PDE1C: variants seen among roughly 807,000 people sequenced by gnomAD.
The protein encoded by PDE1C is dual specificity calcium/calmodulin-dependent 3',5'-cyclic nucleotide phosphodiesterase 1C.
A neutral mutation model predicts 93.1 loss-of-function variants in PDE1C; 62 were observed. That is an observed-to-expected ratio of 0.67 (90% CI 0.54 to 0.82). The LOEUF (loss-of-function observed/expected upper bound fraction) is 0.82, where lower values mean the gene tolerates loss of function less well. Among genes scored for constraint, PDE1C ranks in the 40% least tolerant of loss-of-function variants. The probability of loss-of-function intolerance (pLI) is 0.00; values close to 1 mark genes in which losing one functional copy is unlikely to be tolerated. For missense variants in PDE1C, 742 were observed against 884.6 expected (o/e 0.84, Z 2.04); for synonymous variants, 325 against 310.1 (o/e 1.05, Z -0.50).
chr7:32,137,749 T>C (rs1036561151), intron 3 of PDE1C, among the ~76,000 whole-genome samples: 3 of 152,172 alleles, frequency 2.0e-5, no homozygotes, highest in Non-Finnish European at 2.9e-5. Context: ...ACATTAATAG[T>C]GAATAGGTAA....
At chr7:32,416,863 A>T (rs945044258) in intron 1 of PDE1C, among the ~76,000 whole-genome samples, 3 of 152,176 alleles carry the variant, frequency 2.0e-5, no homozygotes, top group South Asian at 2.1e-4. Context: ...AACGGGTATC[A>T]TCTCAGTATG....
At chr7:32,320,366 T>C (rs1247639960) in intron 1 of PDE1C, among the ~76,000 whole-genome samples, 2 of 148,602 alleles carry the variant, frequency 1.3e-5, no homozygotes, top group African/African-American at 5.0e-5. Flanking sequence ...GTGGGAGGAG[T>C]GGGAGGAGGG....
At chr7:32,361,248 A>C (rs956584942) in intron 1 of PDE1C, among the ~76,000 whole-genome samples, 1 of 152,198 alleles carries the variant, frequency 6.6e-6, no homozygotes, top group Non-Finnish European at 1.5e-5. Context: ...TCCTATCTGC[A>C]GTCTTTCACG....
intron 3 of PDE1C, among the ~76,000 whole-genome samples, chr7:32,100,108 T>C (rs2040936): frequency 0.67 from 102,595 of 152,060 alleles, 35,366 homozygotes; most frequent in Middle Eastern, 0.8. Context: ...CTCCATCCCA[T>C]GCCCAGTGTC....
chr7:32,308,677 C>A (rs1050558193), intron 1 of PDE1C, among the ~76,000 whole-genome samples: 3 of 152,266 alleles, frequency 2.0e-5, no homozygotes, highest in African/African-American at 7.2e-5. Context: ...AACAGACCTG[C>A]AGCTGAGGGT....
At chr7:32,376,072 G>GC (rs1562696933) in intron 1 of PDE1C, among the ~76,000 whole-genome samples, 1 of 152,062 alleles carries the variant, frequency 6.6e-6, no homozygotes, top group African/African-American at 2.4e-5. Flanking sequence ...GAGGAGAATT[G>GC]TTTGAACCCA....
chr7:32,115,165 G>A (rs377527824), intron 3 of PDE1C, among the ~76,000 whole-genome samples: 12 of 152,130 alleles, frequency 7.9e-5, no homozygotes, highest in South Asian at 2.1e-4. Context: ...ACACGCCCAC[G>A]TATGTTTATT....
intron 2 of PDE1C, among the ~76,000 whole-genome samples, chr7:31,896,920 A>G (rs1397445274): frequency 1.3e-5 from 2 of 152,236 alleles, no homozygotes. Context: ...ACCACAGGAC[A>G]TCTAGCCCAC....
At chr7:32,331,724 C>A (rs1157257207) in intron 1 of PDE1C, among the ~76,000 whole-genome samples, 2 of 152,134 alleles carry the variant, frequency 1.3e-5, no homozygotes, top group African/African-American at 4.8e-5. Context: ...CTTAGTCGTA[C>A]TTGAGAAGTG....
intron 3 of PDE1C, among the ~76,000 whole-genome samples, chr7:32,093,994 A>G (rs1245072916): frequency 2.0e-5 from 3 of 152,222 alleles, no homozygotes; most frequent in African/African-American, 7.2e-5. Flanking sequence ...TGACCCAGGA[A>G]TAGATGGTAA....
chr7:32,052,028 T>G (rs761043826), intron 1 of PDE1C, among the ~76,000 whole-genome samples: 1 of 152,210 alleles, frequency 6.6e-6, no homozygotes, highest in Non-Finnish European at 1.5e-5. Context: ...GATCAGTTAT[T>G]TATGTTGTCA....
At chr7:31,768,235 G>A (rs1360639967) in intron 17 of PDE1C, among the ~76,000 whole-genome samples, 1 of 152,152 alleles carries the variant, frequency 6.6e-6, no homozygotes, top group Non-Finnish European at 1.5e-5. Flanking sequence ...GTTTACTTGA[G>A]ACTTTTGTCA....
chr7:31,839,867 T>C lies in PDE1C; in HGVS notation c.981-1896A>G, dbSNP rs146334188. ...GCCTGACCAATATGGTGAAACCCCGTCTCTACTAAAAATACAAAAATTAGC... is the reference window on the plus strand; with the variant it reads ...GCCTGACCAATATGGTGAAACCCCGCCTCTACTAAAAATACAAAAATTAGC... On this transcript the variant is annotated intron_variant, in intron 9 of 17. Coordinates refer to ENST00000396191, the MANE Select transcript of PDE1C (RefSeq NM_001191057.4). Among the ~76,000 whole-genome samples the C allele has an allele frequency of 7.1e-3, 1,082 of 152,246 alleles. 18 individuals carry two copies. The highest frequency in any genetic ancestry group is 0.024 in the African/African-American group (993 of 41,548).
intron 1 of PDE1C, among the ~76,000 whole-genome samples, chr7:32,317,525 G>C (rs1461043744): frequency 6.6e-6 from 1 of 152,028 alleles, no homozygotes; most frequent in South Asian, 2.1e-4. Flanking sequence ...TTTCCTGAAG[G>C]AGATAACATT....
rs76768804 is a variant in PDE1C, at chr7:31,801,041, A to G, written c.1891+7990T>C. Among the ~76,000 whole-genome samples, 570 of 150,938 alleles carry G rather than the reference A, an allele frequency of 3.8e-3. 4 individuals are homozygous for G. The highest frequency in any genetic ancestry group is 0.013 in the African/African-American group (546 of 41,336). On this transcript the variant is annotated intron_variant, in intron 16 of 17. Coordinates refer to ENST00000396191, the MANE Select transcript of PDE1C (RefSeq NM_001191057.4). ...TACACCACTAAATGCCTACATTAAA[A>G]AAGAAAAAAAAATCTCAAATCGGTA...
intron 3 of PDE1C, among the ~76,000 whole-genome samples, chr7:32,165,818 A>G (rs1374510109): frequency 6.6e-6 from 1 of 152,164 alleles, no homozygotes; most frequent in Non-Finnish European, 1.5e-5. Context: ...GGGATCCTAA[A>G]TCTCATCTAG....
intron 1 of PDE1C, among the ~76,000 whole-genome samples, chr7:32,216,465 G>A (rs1334217020): frequency 3.9e-5 from 6 of 152,172 alleles, no homozygotes; most frequent in African/African-American, 1.4e-4. Flanking sequence ...CAAGTGCCTG[G>A]CATACAATAT....
the PDE1C span, among the ~76,000 whole-genome samples, chr7:31,634,684 G>A: frequency 6.6e-6 from 1 of 152,132 alleles, no homozygotes; most frequent in Non-Finnish European, 1.5e-5. Flanking sequence ...AGCAGTCTAA[G>A]GAGGCATGAA....
intron 2 of PDE1C, among the ~76,000 whole-genome samples, chr7:32,172,494 A>G (rs1802713491): frequency 6.6e-6 from 1 of 152,200 alleles, no homozygotes; most frequent in African/African-American, 2.4e-5. Flanking sequence ...ACAATGAGAT[A>G]CCATCTCATG....
Sources: gnomAD v4.1 joint callset for allele counts (sites outside exome capture counted in the v4.1 genomes callset) on GRCh38, gnomAD v4.1.1 for gene constraint, MANE v1.5 for transcripts, NCBI Gene and HGNC (gene_info 2026-07-23, HGNC 2026-07-21) for gene names.